The following KAZN variants were observed in gnomAD, a reference collection of about 807,000 sequenced individuals.
KAZN encodes kazrin.
A neutral mutation model predicts 87.4 loss-of-function variants in KAZN; 40 were observed. The observed-to-expected ratio is 0.46, with a 90% CI of 0.36 to 0.60. The LOEUF is 0.60. Among genes scored for constraint, KAZN ranks in the 20% least tolerant of loss-of-function variants. The pLI is 0.00. For synonymous variants in KAZN, 466 were observed against 458.3 expected (o/e 1.02, Z -0.22); for missense variants, 898 against 1,073.9 (o/e 0.84, Z 2.29).
intron 2 of KAZN, among the ~76,000 whole-genome samples, chr1:14,252,632 C>T (rs1425194966): frequency 6.6e-6 from 1 of 152,172 alleles, no homozygotes; most frequent in African/African-American, 2.4e-5. Context: ...CCTACTCCAT[C>T]CTATTCCATA....
At chr1:14,470,342 G>A (rs535096515) in intron 2 of KAZN, among the ~76,000 whole-genome samples, 20 of 152,262 alleles carry the variant, frequency 1.3e-4, no homozygotes, top group East Asian at 3.9e-4. Context: ...ACAAATTACC[G>A]GGGAAGGTAG....
chr1:14,241,373 TCTC>T (rs572385400), intron 2 of KAZN, among the ~76,000 whole-genome samples: 1 of 152,154 alleles, frequency 6.6e-6, no homozygotes, highest in East Asian at 1.9e-4. Flanking sequence ...AAGGTCTGAC[TCTC>T]CTCCTCTTCC....
intron 1 of KAZN, among the ~76,000 whole-genome samples, chr1:13,954,152 C>T (rs779128018): frequency 1.3e-5 from 2 of 152,066 alleles, no homozygotes; most frequent in Admixed American, 6.6e-5. Flanking sequence ...CGCAGTGAGC[C>T]GAGATTGCGC....
At chr1:14,880,787 G>T (rs1396696095) in intron 1 of KAZN, among the ~76,000 whole-genome samples, 1 of 152,162 alleles carries the variant, frequency 6.6e-6, no homozygotes, top group Non-Finnish European at 1.5e-5. Flanking sequence ...CTTTCCAAGG[G>T]AACCAACCAG....
intron 2 of KAZN, among the ~76,000 whole-genome samples, chr1:14,420,877 C>T (rs1462641231): frequency 7.8e-6 from 1 of 128,082 alleles, no homozygotes; most frequent in African/African-American, 2.7e-5. Flanking sequence ...TTGCCGCCCG[C>T]ACCTCTCCCT....
intron 1 of KAZN, among the ~76,000 whole-genome samples, chr1:14,800,627 C>T (rs1241336221): frequency 1.3e-5 from 2 of 152,130 alleles, no homozygotes; most frequent in Non-Finnish European, 2.9e-5. Context: ...TCGCTTGAGC[C>T]TGGGAGATGG....
chr1:14,930,818 A>C (rs1353571073), intron 1 of KAZN, among the ~76,000 whole-genome samples: 1 of 140,254 alleles, frequency 7.1e-6, no homozygotes, highest in Admixed American at 6.8e-5. Context: ...CCTTCGGCTC[A>C]CTGGCTTGCC....
chr1:14,392,870 G>A (rs928365847), intron 2 of KAZN, among the ~76,000 whole-genome samples: 2 of 152,142 alleles, frequency 1.3e-5, no homozygotes, highest in Admixed American at 1.3e-4. Context: ...AGGCATCACT[G>A]CTCCAATCCA....
chr1:14,677,832 G>C (rs1640323641), intron 1 of KAZN, among the ~76,000 whole-genome samples: 1 of 152,218 alleles, frequency 6.6e-6, no homozygotes, highest in African/African-American at 2.4e-5. Flanking sequence ...CTCTGTAACT[G>C]TCAATGGGGT....
intron 1 of KAZN, among the ~76,000 whole-genome samples, chr1:14,080,753 A>G (rs979881969): frequency 1.3e-5 from 2 of 152,206 alleles, no homozygotes; most frequent in Non-Finnish European, 2.9e-5. Context: ...TCTGCTCGGA[A>G]TATAGGCCCA....
intron 2 of KAZN, among the ~76,000 whole-genome samples, chr1:14,494,902 A>T (rs1267839991): frequency 1.3e-5 from 2 of 152,120 alleles, no homozygotes; most frequent in Non-Finnish European, 2.9e-5. Context: ...TGATGTGGGG[A>T]GGTAGAGAAT....
intron 1 of KAZN, among the ~76,000 whole-genome samples, chr1:14,639,037 C>T (rs1466900229): frequency 1.3e-5 from 2 of 152,204 alleles, no homozygotes; most frequent in African/African-American, 2.4e-5. Context: ...ACACAATGGG[C>T]TGCAGCCATC....
At chr1:14,889,768 A>C (rs1409499268) in intron 1 of KAZN, among the ~76,000 whole-genome samples, 1 of 152,260 alleles carries the variant, frequency 6.6e-6, no homozygotes, top group African/African-American at 2.4e-5. Flanking sequence ...AAATTTATAC[A>C]AAATTCAAAC....
chr1:14,071,716 G>T (rs1450005157), intron 1 of KAZN, among the ~76,000 whole-genome samples: 1 of 152,196 alleles, frequency 6.6e-6, no homozygotes, highest in African/African-American at 2.4e-5. Flanking sequence ...TGGTGGAAGG[G>T]CATGAAGGAT....
intron 2 of KAZN, among the ~76,000 whole-genome samples, chr1:14,574,854 G>A (rs192035609): frequency 3.9e-5 from 6 of 152,172 alleles, no homozygotes; most frequent in African/African-American, 1.4e-4. Flanking sequence ...AAGGGCGTCA[G>A]GGATGCTCAG....
intron 2 of KAZN, among the ~76,000 whole-genome samples, chr1:14,457,826 T>TG (rs1557734532): frequency 6.6e-6 from 1 of 150,568 alleles, no homozygotes; most frequent in Non-Finnish European, 1.5e-5. Context: ...TTTGTTTTGT[T>TG]TTTTTTTTTG....
At chr1:13,945,791 G>C (rs1438914533) in intron 1 of KAZN, among the ~76,000 whole-genome samples, 1 of 151,894 alleles carries the variant, frequency 6.6e-6, no homozygotes, top group Admixed American at 6.6e-5. Flanking sequence ...GTGCCTGGTA[G>C]ATGGGGTGAA....
intron 1 of KAZN, among the ~76,000 whole-genome samples, chr1:14,090,012 CTTT>C (rs61661596): frequency 1.4e-4 from 20 of 146,494 alleles, no homozygotes; most frequent in Admixed American, 4.1e-4. Context: ...AATAATGCAT[CTTT>C]TTTTTTTTCC....
At position 15,066,458 on chromosome 1, in the gene KAZN, C is replaced by G. The variant is rs1227638670; in HGVS notation, c.1222+705C>G. ...TCTGCTCTCTACAAAGACTCGCGAG[C>G]CGGGCCAAGGGGCCTTGTCTTGGCT... On this transcript the variant is annotated intron_variant, in intron 8 of 14. Transcript: ENST00000376030. The surrounding 1 kb of genome is among the most constrained non-coding windows in gnomAD (Gnocchi z 4.3). 1.0e-6 allele frequency: 1 copy of G among 985,262 alleles called. No homozygotes were observed. Among genetic ancestry groups the G allele is most frequent in the African/African-American group, 1.7e-5 (1 of 57,206 alleles). The allele number at this position is 985,262 out of a possible 1,614,324, so 61.0% of individuals were successfully genotyped here.
Sources: allele counts gnomAD v4.1 joint callset (sites outside exome capture counted in the v4.1 genomes callset), GRCh38; gene constraint gnomAD v4.1.1; non-coding constraint Gnocchi (gnomAD v3.1); transcripts MANE v1.5; gene names NCBI Gene and HGNC (gene_info 2026-07-23, HGNC 2026-07-21).